Variants in IL15RA observed in about 807,000 individuals in gnomAD.
IL15RA encodes the protein interleukin-15 receptor subunit alpha.
Under a neutral mutation model 24.2 loss-of-function variants are expected in IL15RA, and 26 were observed. The ratio of observed to expected loss-of-function variants is 1.07; its 90% CI spans 0.79 to 1.49. IL15RA has a LOEUF of 1.49. Ranked by LOEUF, IL15RA falls within the 40% of genes most tolerant of loss-of-function variation. IL15RA has a pLI of 0.00. For missense variants in IL15RA, 354 were observed against 356.4 expected (o/e 0.99, Z 0.05); for synonymous variants, 166 against 157.6 (o/e 1.05, Z -0.40).
rs1415454082 is a variant in IL15RA at position 5,973,069 on chromosome 10, T to A, written c.88+4336A>T. ...TATTTGTCTTCAAACAAAGCAGTCT[T>A]CTCAGTTGCTTCTGGCCATCGCCCG... On this transcript the variant is annotated intron_variant, in intron 1 of 6. Transcript: ENST00000379977. The surrounding 1 kb of genome is among the most constrained non-coding windows in gnomAD (Gnocchi z 4.5). Among the ~76,000 whole-genome samples the A allele has an allele frequency of 6.6e-6, 1 of 152,232 alleles. No individual in the cohort carries two copies. Among genetic ancestry groups the A allele is most frequent in the East Asian group, 1.9e-4 (1 of 5,208 alleles).
In IL15RA at chr10:5,962,169, A is replaced by G. The variant is rs1374345603; in HGVS notation, c.382+1574T>C. Among the ~76,000 whole-genome samples the G allele has an allele frequency of 1.3e-5, 2 of 152,168 alleles. No homozygotes were observed. Among genetic ancestry groups the G allele is most frequent in the African/African-American group, 2.4e-5 (1 of 41,438 alleles). ...TGACTCAGATCAAAGGGGTTGTAGAATTACTTCAAGTTTAAATGGAGCCAG... is the reference window on the plus strand; with the variant it reads ...TGACTCAGATCAAAGGGGTTGTAGAGTTACTTCAAGTTTAAATGGAGCCAG... On this transcript the variant is annotated intron_variant, in intron 3 of 6. Transcript: ENST00000379977. This position sits in a 1 kb window ranked among gnomAD's most constrained non-coding sequence, Gnocchi z 5.2.
At chr10:5,951,627 A>G (rs1833884277), downstream of IL15RA, among the ~76,000 whole-genome samples, 2 of 152,202 alleles carry the variant, frequency 1.3e-5, no homozygotes, top group African/African-American at 2.4e-5. Flanking sequence ...GGAGTTTGAG[A>G]CCAGTCTGGC....
In IL15RA at chr10:5,952,456, A is replaced by T. The variant is rs1833950600; in HGVS notation, c.*639T>A. The T allele has an allele frequency of 6.5e-6, 1 of 152,944 alleles. No individual in the cohort carries two copies. The highest frequency in any genetic ancestry group is 1.5e-5 in the Non-Finnish European group (1 of 68,234). 9.5% of individuals were successfully genotyped at this position (152,944 alleles called of 1,614,324 possible). ...AATACAAATAATATATAATGTATAG[A>T]TATAATAGACAAGGAAGTATAAATA... is the stretch of plus-strand genomic sequence containing the variant. On this transcript the variant is annotated 3_prime_UTR_variant, in exon 7 of 7. Coordinates refer to ENST00000379977, the MANE Select transcript of IL15RA (RefSeq NM_002189.4).
intron 5 of IL15RA, among the ~76,000 whole-genome samples, chr10:5,957,988 T>C (rs1834825537): frequency 6.6e-6 from 1 of 152,162 alleles, no homozygotes; most frequent in Admixed American, 6.6e-5. Flanking sequence ...ATAGAAAAAA[T>C]GACCCCTGAA....
Position 5,960,489 on chromosome 10 carries a change from G to A in IL15RA, c.461C>T (p.Pro154Leu), listed in dbSNP as rs758343510. 1 of 1,614,204 alleles carries A rather than the reference G, an allele frequency of 6.2e-7. No homozygotes were observed. The highest frequency in any genetic ancestry group is 1.1e-5 in the South Asian group (1 of 91,080). ...AAIVPGSQLMPSKSPSTGTTE... is the reference protein window; with the variant it reads ...AAIVPGSQLMLSKSPSTGTTE... ...GGTTCCTGTGGAAGGTGATTTTGAA[G>A]GCATCAGCTGGGAGCCCGGGACAAT... Residue 154 changes from proline (P) to leucine (L), a missense_variant, in exon 4 of 7, where the codon CCT (proline) becomes CTT (leucine). Transcript: ENST00000379977. The surrounding 1 kb of genome is among the most constrained non-coding windows in gnomAD (Gnocchi z 5.1).
chr10:5,966,402 G>T lies in IL15RA; in HGVS notation c.89-63C>A. On this transcript the variant is annotated intron_variant, in intron 1 of 6. Transcript: ENST00000379977. This position sits in a 1 kb window ranked among gnomAD's most constrained non-coding sequence, Gnocchi z 6.4. ...TTCCACTTGTAAGAGGCGTTCTCCA[G>T]GCACACGCAGCGGTAGTCAGTGTCC... is the stretch of plus-strand genomic sequence containing the variant. The T allele has an allele frequency of 7.2e-7, 1 of 1,380,588 alleles. No individual in the cohort carries two copies. The highest frequency in any genetic ancestry group is 1.0e-6 in the Non-Finnish European group (1 of 981,466). 85.5% of individuals were successfully genotyped at this position (1,380,588 alleles called of 1,614,324 possible).
At position 5,966,095 on chromosome 10, in the gene IL15RA, C is replaced by A. The variant is rs373990192; in HGVS notation, c.283+50G>T. 1 of 1,318,960 alleles carries A rather than the reference C, an allele frequency of 7.6e-7. No homozygotes were observed. The highest frequency in any genetic ancestry group is 1.1e-6 in the Non-Finnish European group (1 of 922,702). 81.7% of individuals were successfully genotyped at this position (1,318,960 alleles called of 1,614,324 possible). A position where few individuals can be genotyped will look rare whatever the true frequency, so the allele number is the denominator to read the frequency against. On this transcript the variant is annotated intron_variant, in intron 2 of 6. Coordinates refer to ENST00000379977, the MANE Select transcript of IL15RA (RefSeq NM_002189.4). This position sits in a 1 kb window ranked among gnomAD's most constrained non-coding sequence, Gnocchi z 6.4. ...GAGATGGGGTCTTCTCTCTGTGCAGCCTTGGCAGGGTGGGGGAGGGAGGAA... is the reference window on the plus strand; with the variant it reads ...GAGATGGGGTCTTCTCTCTGTGCAGACTTGGCAGGGTGGGGGAGGGAGGAA...
chr10:5,963,436 C>A lies in IL15RA; in HGVS notation c.382+307G>T, dbSNP rs1835936271. 6.6e-6 allele frequency among the ~76,000 whole-genome samples: 1 copy of A among 152,234 alleles called. No homozygotes were observed. The highest frequency in any genetic ancestry group is 1.5e-5 in the Non-Finnish European group (1 of 68,036). On this transcript the variant is annotated intron_variant, in intron 3 of 6. Coordinates refer to ENST00000379977, the MANE Select transcript of IL15RA (RefSeq NM_002189.4). This position sits in a 1 kb window ranked among gnomAD's most constrained non-coding sequence, Gnocchi z 5.3. ...ATGTTGAGGGCTAACACACATGCAA[C>A]CTCAAACCTCAGTCTGCTTTCAGTT...
In IL15RA at chr10:5,968,951, A is replaced by G. The variant is rs773774331; in HGVS notation, c.89-2612T>C. The stretch of plus-strand genomic sequence containing the variant: ...CATCTGTAACAGGTTTTGTACAGGA[A>G]GTGTTCCCTGCCCATTTCCAGCAGC... On this transcript the variant is annotated intron_variant, in intron 1 of 6. Transcript: ENST00000379977. This position sits in a 1 kb window ranked among gnomAD's most constrained non-coding sequence, Gnocchi z 5.4. The G allele has an allele frequency of 1.4e-5, 22 of 1,534,892 alleles. No individual in the cohort carries two copies. The South Asian group carries it at 2.6e-4, about 18-fold the overall frequency.
At position 5,977,477 on chromosome 10, in the gene IL15RA, C is replaced by G. The variant is rs1280896130; in HGVS notation, c.16G>C (p.Ala6Pro). Residue 6 changes from alanine to proline, a missense_variant, in exon 1 of 7, where the codon GCG (alanine) becomes CCG (proline). Physicochemically the swap from Ala to Pro is conservative, Grantham distance 27. Coordinates refer to ENST00000379977, the MANE Select transcript of IL15RA (RefSeq NM_002189.4). ...AGACCGAGGGTCCGGCAGCCGCGCG[C>G]CCGCCGCGGGGCCATGGCGGCAGCT... Reference protein sequence around the residue: MAPRRARGCRTLGLPA... With the variant: MAPRRPRGCRTLGLPA... 7.4e-7 allele frequency: 1 copy of G among 1,358,150 alleles called. No homozygotes were observed. Among genetic ancestry groups the G allele is most frequent in the Non-Finnish European group, 9.5e-7 (1 of 1,057,402 alleles). 84.1% of individuals were successfully genotyped at this position (1,358,150 alleles called of 1,614,324 possible).
At chr10:5,976,669 G>T (rs1028791842) in intron 1 of IL15RA, among the ~76,000 whole-genome samples, 2 of 151,976 alleles carry the variant, frequency 1.3e-5, no homozygotes, top group African/African-American at 4.8e-5. Flanking sequence ...CCTAGGAATC[G>T]CTCATTCCGT....
In IL15RA at chr10:5,956,410, CA is replaced by C; in HGVS notation, c.660del (p.Val221CysfsTer29). On this transcript the variant is annotated frameshift_variant, in exon 6 of 7. Transcript: ENST00000379977. LOFTEE classifies it low-confidence loss of function (END_TRUNC). ...TSTVLLCGLS[A>X]VSLLACYLKS... ...TTGAGGTAGCATGCCAGGAGAGACA[CA>C]GCGCTCAGCCCACACAGCAGGACAG... is the stretch of plus-strand genomic sequence containing the variant. 6.2e-7 allele frequency: 1 copy of C among 1,614,116 alleles called. No homozygotes were observed. The highest frequency in any genetic ancestry group is 8.5e-7 in the Non-Finnish European group (1 of 1,179,980).
At chr10:5,954,168 CTTTTT>C (rs750550552) in intron 6 of IL15RA, among the ~76,000 whole-genome samples, 5 of 105,246 alleles carry the variant, frequency 4.8e-5, no homozygotes, top group Non-Finnish European at 7.6e-5. Context: ...ACCAATTCTT[CTTTTT>C]TTTTTTTTTT....
Position 5,960,813 on chromosome 10 carries a change from G to A in IL15RA, c.383-246C>T, listed in dbSNP as rs1426550911. On this transcript the variant is annotated intron_variant, in intron 3 of 6. Transcript: ENST00000379977. This position sits in a 1 kb window ranked among gnomAD's most constrained non-coding sequence, Gnocchi z 5.1. ...AAAGAAAAGATCAGCCAGACACAGT[G>A]GGTCATGCCTATAATCCCAACACTT... Among the ~76,000 whole-genome samples, 1 of 152,160 alleles carries A rather than the reference G, an allele frequency of 6.6e-6. No homozygotes were observed. Among genetic ancestry groups the A allele is most frequent in the African/African-American group, 2.4e-5 (1 of 41,416 alleles).
intron 1 of IL15RA, among the ~76,000 whole-genome samples, chr10:5,976,596 G>A (rs1468036354): frequency 6.6e-6 from 1 of 152,086 alleles, no homozygotes; most frequent in Admixed American, 6.6e-5. Context: ...AAGAAGCGCT[G>A]ACAAGGATAG....
intron 5 of IL15RA, among the ~76,000 whole-genome samples, chr10:5,957,565 C>T (rs1018327732): frequency 6.6e-6 from 1 of 151,174 alleles, no homozygotes; most frequent in African/African-American, 2.4e-5. Flanking sequence ...TGAACCACCA[C>T]GCCTGGCCAA....
chr10:5,956,565 G>C (rs1834548266), intron 5 of IL15RA, 111 bp from the exon 6 acceptor site: 3 of 763,266 alleles, frequency 3.9e-6, no homozygotes, highest in Middle Eastern at 2.3e-4. Context: ...CTCCCAACCA[G>C]CCTCCTGCTA....
downstream of IL15RA, chr10:5,950,916 C>T (rs1216350590): frequency 6.6e-6 from 1 of 151,958 alleles, no homozygotes; most frequent in Non-Finnish European, 1.5e-5. This position sits in a 1 kb window ranked among gnomAD's most constrained non-coding sequence, Gnocchi z 5.6. Flanking sequence ...GGCAGGCAGA[C>T]TGCTTGGGCT....
At position 5,970,773 on chromosome 10, in the gene IL15RA, T is replaced by TATTTTATTTTATTTTA. The variant is rs1329680432; in HGVS notation, c.89-4435_89-4434insTAAAATAAAATAAAAT. ...TATTTTATTTTATTTTATTTTATTT[T>TATTTTATTTTATTTTA]ATTTTGAGACAGGGTCTAGCTCTGT... On this transcript the variant is annotated intron_variant, in intron 1 of 6. Coordinates refer to ENST00000379977, the MANE Select transcript of IL15RA (RefSeq NM_002189.4). This position sits in a 1 kb window ranked among gnomAD's most constrained non-coding sequence, Gnocchi z 4.1. Among the ~76,000 whole-genome samples, 1 of 148,346 alleles carries TATTTTATTTTATTTTA rather than the reference T, an allele frequency of 6.7e-6. No homozygotes were observed. The highest frequency in any genetic ancestry group is 2.5e-5 in the African/African-American group (1 of 40,550).
Sources: allele counts gnomAD v4.1 joint callset (sites outside exome capture counted in the v4.1 genomes callset), GRCh38; gene constraint gnomAD v4.1.1; non-coding constraint Gnocchi (gnomAD v3.1); transcripts MANE v1.5; gene names NCBI Gene and HGNC (gene_info 2026-07-23, HGNC 2026-07-21).